Variants in EIF4G3 observed in about 807,000 individuals in gnomAD.
EIF4G3 encodes the protein eIF-4-gamma 3.
Under a neutral mutation model 186.4 loss-of-function variants are expected in EIF4G3, and 34 were observed. That is an observed-to-expected ratio of 0.18 (90% CI 0.14 to 0.24). The LOEUF (loss-of-function observed/expected upper bound fraction) is 0.24. Ranked by LOEUF, EIF4G3 falls within the 10% of genes least tolerant of loss-of-function variation. The probability of loss-of-function intolerance (pLI) is 1.00; values close to 1 mark genes in which losing one functional copy is unlikely to be tolerated. For missense variants in EIF4G3, 1,536 were observed against 1,948.5 expected (o/e 0.79, Z 3.99); for synonymous variants, 673 against 679.5 (o/e 0.99, Z 0.15).
rs1471121881 is a variant in EIF4G3, at chr1:21,007,538, C to CAAAAAAAAAAAAA, written c.-66-4731_-66-4730insTTTTTTTTTTTTT. ...CTTAAAAAAAAAAAAAAAAAAAAAA[C>CAAAAAAAAAAAAA]ACACTCAAAAACAAAAAAACTGGAA... On this transcript the variant is annotated intron_variant, in intron 4 of 36. Transcript: ENST00000602326. Among the ~76,000 whole-genome samples, 38 of 58,510 alleles carry CAAAAAAAAAAAAA rather than the reference C, an allele frequency of 6.5e-4. 1 individual carries two copies. Among genetic ancestry groups the CAAAAAAAAAAAAA allele is most frequent in the East Asian group, 3.7e-3 (6 of 1,608 alleles). The allele number at this position is 58,510 out of a possible 152,430, so 38.4% of individuals were successfully genotyped here. A position where few individuals can be genotyped will look rare whatever the true frequency, so the allele number is the denominator to read the frequency against.
intron 3 of EIF4G3, chr1:21,073,629 A>G: frequency 3.9e-6 from 2 of 519,338 alleles, no homozygotes; most frequent in Admixed American, 3.9e-5. Context: ...CCCTGGGCAC[A>G]CGCCACATGC....
chr1:21,094,927 A>G (rs985604136), intron 2 of EIF4G3, among the ~76,000 whole-genome samples: 2 of 152,082 alleles, frequency 1.3e-5, no homozygotes, highest in South Asian at 4.1e-4. Flanking sequence ...TGATGACAGG[A>G]TCCCTCGAGC....
At chr1:21,042,577 T>C (rs971986176) in intron 4 of EIF4G3, among the ~76,000 whole-genome samples, 2 of 152,204 alleles carry the variant, frequency 1.3e-5, no homozygotes, top group African/African-American at 2.4e-5. Context: ...AAAACAGTCC[T>C]GAATCAAGCT....
At chr1:21,063,877 T>A (rs1377263294) in intron 3 of EIF4G3, among the ~76,000 whole-genome samples, 1 of 48,026 alleles carries the variant, frequency 2.1e-5, no homozygotes, top group Non-Finnish European at 4.9e-5. Flanking sequence ...ACCCAGCTAA[T>A]TTTTTTTTTT....
chr1:20,838,804 G>A (rs1404077075), intron 30 of EIF4G3, among the ~76,000 whole-genome samples: 1 of 152,030 alleles, frequency 6.6e-6, no homozygotes, highest in Non-Finnish European at 1.5e-5. Context: ...AACCTCCCAA[G>A]TAGCTGGGAC....
intron 2 of EIF4G3, among the ~76,000 whole-genome samples, chr1:21,144,113 C>A (rs2097393359): frequency 6.6e-6 from 1 of 152,038 alleles, no homozygotes; most frequent in Admixed American, 6.6e-5. Context: ...TTTTTTGGTG[C>A]AAGCAATGTC....
intron 5 of EIF4G3, among the ~76,000 whole-genome samples, chr1:21,002,483 A>G (rs2083785334): frequency 6.6e-6 from 1 of 152,168 alleles, no homozygotes; most frequent in Non-Finnish European, 1.5e-5. Flanking sequence ...ATTAAAAGGG[A>G]GTGGAGGGTT....
chr1:21,092,780 C>A (rs2096247259), intron 2 of EIF4G3, among the ~76,000 whole-genome samples: 1 of 152,090 alleles, frequency 6.6e-6, no homozygotes, highest in Non-Finnish European at 1.5e-5. Context: ...GAACAGAGCC[C>A]TCAGAAATAA....
chr1:21,163,633 T>A (rs772112692), intron 2 of EIF4G3, among the ~76,000 whole-genome samples: 15 of 152,242 alleles, frequency 9.9e-5, no homozygotes, highest in Non-Finnish European at 1.6e-4. Context: ...AAAGTCTTTA[T>A]CCAAAACAAA....
At chr1:20,835,011 A>T (rs1193775261) in intron 30 of EIF4G3, among the ~76,000 whole-genome samples, 1 of 152,232 alleles carries the variant, frequency 6.6e-6, no homozygotes, top group African/African-American at 2.4e-5. Context: ...AGAGGACTGA[A>T]ATCATATCAA....
At chr1:21,034,700 G>GT (rs1168775780) in intron 4 of EIF4G3, among the ~76,000 whole-genome samples, 8 of 152,252 alleles carry the variant, frequency 5.3e-5, no homozygotes. Context: ...CAGGCCACAG[G>GT]TGCTCAGGTA....
At chr1:20,968,223 G>A (rs1287658962) in intron 12 of EIF4G3, among the ~76,000 whole-genome samples, 1 of 150,822 alleles carries the variant, frequency 6.6e-6, no homozygotes, top group East Asian at 1.9e-4. Flanking sequence ...TATTGCCCAG[G>A]CTGGTGAGTA....
intron 2 of EIF4G3, among the ~76,000 whole-genome samples, chr1:21,104,993 A>G (rs2096589460): frequency 2.6e-5 from 4 of 152,192 alleles, no homozygotes; most frequent in Non-Finnish European, 4.4e-5. Flanking sequence ...CACAAGTGGG[A>G]GCTAAAAATT....
At chr1:20,998,741 A>T in intron 6 of EIF4G3, 1 of 301,134 alleles carries the variant, frequency 3.3e-6, no homozygotes, top group South Asian at 2.9e-5. Context: ...GTAGAGCCAT[A>T]TTGTGGATAC....
At chr1:21,127,305 A>C (rs1047867306) in intron 2 of EIF4G3, among the ~76,000 whole-genome samples, 1 of 151,954 alleles carries the variant, frequency 6.6e-6, no homozygotes, top group African/African-American at 2.4e-5. Context: ...AGGACTCAAA[A>C]TTATACTGAG....
At chr1:20,938,202 C>T (rs531173907) in intron 14 of EIF4G3, among the ~76,000 whole-genome samples, 1 of 152,212 alleles carries the variant, frequency 6.6e-6, no homozygotes, top group South Asian at 2.1e-4. Flanking sequence ...ACCATGTTGG[C>T]CAGGCTGGTC....
At chr1:20,870,098 C>T (rs1350695927) in intron 20 of EIF4G3, among the ~76,000 whole-genome samples, 1 of 149,612 alleles carries the variant, frequency 6.7e-6, no homozygotes, top group Non-Finnish European at 1.5e-5. Context: ...ATTATAAAAT[C>T]TTCCATCAGG....
At chr1:21,064,639 T>C (rs937199707) in intron 3 of EIF4G3, 1 of 152,200 alleles carries the variant, frequency 6.6e-6, no homozygotes, top group African/African-American at 2.4e-5. Context: ...CAGTTAGGAA[T>C]GACTGTCTTG....
chr1:20,841,290 C>A (rs1008502250), intron 29 of EIF4G3: 1 of 260,778 alleles, frequency 3.8e-6, no homozygotes, highest in Non-Finnish European at 7.1e-6. Context: ...CCAGTTTTTA[C>A]CAGAGAACTG....
Sources: allele counts gnomAD v4.1 joint callset (sites outside exome capture counted in the v4.1 genomes callset), GRCh38; gene constraint gnomAD v4.1.1; transcripts MANE v1.5; gene names NCBI Gene and HGNC (gene_info 2026-07-23, HGNC 2026-07-21).